PPP6R3: variants seen among roughly 807,000 people sequenced by gnomAD.
PPP6R3 encodes the protein serine/threonine-protein phosphatase 6 regulatory subunit 3.
Under a neutral mutation model 110.7 loss-of-function variants are expected in PPP6R3, and 38 were observed. The observed-to-expected ratio is 0.34, with a 90% confidence interval of 0.26 to 0.45. The LOEUF (loss-of-function observed/expected upper bound fraction) is 0.45. PPP6R3 is among the 20% of genes least tolerant of loss of function. The probability of loss-of-function intolerance (pLI) is 1.00; values close to 1 mark genes in which losing one functional copy is unlikely to be tolerated. For missense variants in PPP6R3, 870 were observed against 1,062.4 expected, an observed-to-expected ratio of 0.82 and a Z score of 2.52; for synonymous variants, 369 against 373.5, an observed-to-expected ratio of 0.99 and a Z score of 0.14.
intron 1 of PPP6R3, among the ~76,000 whole-genome samples, chr11:68,481,547 A>C (rs2153381115): frequency 6.6e-6 from 1 of 152,374 alleles, no homozygotes; most frequent in South Asian, 2.1e-4. Flanking sequence ...ATTGTAGAGG[A>C]CATGGGTTAG....
intron 18 of PPP6R3, among the ~76,000 whole-genome samples, chr11:68,594,265 GGAGAGAGAGAGAGAGAGA>G (rs56125097): frequency 1.5e-5 from 2 of 136,956 alleles, no homozygotes; most frequent in African/African-American, 5.6e-5. Context: ...TAAAAAAGGG[GGAGAGAGAGAGAGAGAGA>G]GAGAGAGAGG....
intron 1 of PPP6R3, among the ~76,000 whole-genome samples, chr11:68,472,691 A>G (rs1400147281): frequency 1.3e-5 from 2 of 152,054 alleles, no homozygotes; most frequent in Non-Finnish European, 2.9e-5. Flanking sequence ...TAAAGTGTAC[A>G]ACTGATGGAT....
At chr11:68,527,812 C>T (rs2099208346) in intron 2 of PPP6R3, among the ~76,000 whole-genome samples, 1 of 152,216 alleles carries the variant, frequency 6.6e-6, no homozygotes, top group Non-Finnish European at 1.5e-5. Context: ...CCCAAAGGCT[C>T]CTCCTTCCTG....
chr11:68,532,427 C>A (rs2099246234), intron 2 of PPP6R3, among the ~76,000 whole-genome samples: 1 of 152,152 alleles, frequency 6.6e-6, no homozygotes, highest in Non-Finnish European at 1.5e-5. Flanking sequence ...GGAGGAAACT[C>A]CATTTTCAAA....
At position 68,564,795 on chromosome 11, in the gene PPP6R3, G is replaced by A. The variant is rs80289281; in HGVS notation, c.975+363G>A. Among the ~76,000 whole-genome samples the A allele has an allele frequency of 7.5e-3, 1,147 of 152,320 alleles. 5 individuals are homozygous for A. Among genetic ancestry groups the A allele is most frequent in the Non-Finnish European group, 0.012 (833 of 68,032 alleles). ...TTTTCTTACTCAGAGTTGGAGCAGT[G>A]TATGTCTGATGTATAGTCGACCTTA... On this transcript the variant is annotated intron_variant, in intron 9 of 23. Transcript: ENST00000393800.
rs369991924 is a variant in PPP6R3, at chr11:68,544,825, C to T, written c.228-13C>T. The stretch of plus-strand genomic sequence containing the variant: ...TTAATAAAGATGATGATGTAAATAT[C>T]CTGTTCTTCTAGGTATCCAAATATA... On this transcript the variant is annotated splice_polypyrimidine_tract_variant and intron_variant, in intron 3 of 23. Transcript: ENST00000393800. 175 of 1,545,036 alleles carry T rather than the reference C, an allele frequency of 1.1e-4. No individual in the cohort carries two copies. The highest frequency in any genetic ancestry group is 6.8e-4 in the Middle Eastern group (4 of 5,872).
intron 1 of PPP6R3, among the ~76,000 whole-genome samples, chr11:68,509,035 TA>T (rs1447657389): frequency 1.3e-5 from 2 of 152,382 alleles, no homozygotes; most frequent in Admixed American, 6.5e-5. Context: ...TATTGATGAT[TA>T]AAACCATAGT....
intron 4 of PPP6R3, among the ~76,000 whole-genome samples, chr11:68,546,943 A>G (rs1457791834): frequency 2.0e-5 from 3 of 152,122 alleles, no homozygotes; most frequent in Non-Finnish European, 4.4e-5. Context: ...GTGGGATCCA[A>G]TTGTGAGTGA....
chr11:68,536,186 A>AT (rs372090022), intron 2 of PPP6R3, among the ~76,000 whole-genome samples: 2,315 of 149,182 alleles, frequency 0.016, 51 homozygotes, highest in East Asian at 0.062. Context: ...TTTAAAAAAC[A>AT]TTTTTTTTTT....
At chr11:68,579,918 A>G (rs1303665369) in intron 14 of PPP6R3, among the ~76,000 whole-genome samples, 1 of 152,224 alleles carries the variant, frequency 6.6e-6, no homozygotes, top group Non-Finnish European at 1.5e-5. Context: ...GAACTCTATG[A>G]TGTTCGCATG....
chr11:68,567,852 T>G (rs1420608468), intron 10 of PPP6R3, among the ~76,000 whole-genome samples: 1 of 152,116 alleles, frequency 6.6e-6, no homozygotes, highest in Non-Finnish European at 1.5e-5. Context: ...AAGGAGGTGT[T>G]TGTTCACTGT....
intron 1 of PPP6R3, among the ~76,000 whole-genome samples, chr11:68,501,458 C>G (rs915880124): frequency 2.0e-5 from 3 of 152,184 alleles, no homozygotes; most frequent in Non-Finnish European, 4.4e-5. Flanking sequence ...CCCTGAGTAG[C>G]TGAGATTACA....
intron 1 of PPP6R3, among the ~76,000 whole-genome samples, chr11:68,510,489 C>T (rs1300137926): frequency 6.6e-6 from 1 of 152,024 alleles, no homozygotes; most frequent in Non-Finnish European, 1.5e-5. Context: ...CGTGTGCTAC[C>T]ATGCTTGGCT....
chr11:68,561,570 A>C (rs1380943473), intron 8 of PPP6R3, among the ~76,000 whole-genome samples: 1 of 152,232 alleles, frequency 6.6e-6, no homozygotes, highest in Non-Finnish European at 1.5e-5. Context: ...ATATCATAAC[A>C]AAGTATGGTT....
At chr11:68,599,862 G>A (rs1007108177) in intron 19 of PPP6R3, among the ~76,000 whole-genome samples, 1 of 151,842 alleles carries the variant, frequency 6.6e-6, no homozygotes, top group Non-Finnish European at 1.5e-5. Flanking sequence ...GGTGGCTCAC[G>A]CCTGTAATCC....
At chr11:68,587,182 C>G (rs573936002) in intron 15 of PPP6R3, 4 of 150,176 alleles carry the variant, frequency 2.7e-5, no homozygotes, top group Admixed American at 2.0e-4. Flanking sequence ...TAACACCCCC[C>G]CCCCCCACAT....
chr11:68,594,698 T>C (rs2099608148), intron 18 of PPP6R3, among the ~76,000 whole-genome samples: 1 of 152,164 alleles, frequency 6.6e-6, no homozygotes, highest in African/African-American at 2.4e-5. Flanking sequence ...AACAAAATCC[T>C]TCCAGCCTTT....
intron 1 of PPP6R3, among the ~76,000 whole-genome samples, chr11:68,518,353 C>G (rs1162103004): frequency 6.6e-6 from 1 of 152,146 alleles, no homozygotes; most frequent in Non-Finnish European, 1.5e-5. Flanking sequence ...TGTAGTACTA[C>G]TGCCAGAAGC....
chr11:68,516,136 C>T (rs1266377580), intron 1 of PPP6R3, among the ~76,000 whole-genome samples: 1 of 152,132 alleles, frequency 6.6e-6, no homozygotes, highest in African/African-American at 2.4e-5. Context: ...CTTTATGGTT[C>T]ATCTACATTG....
Sources: gnomAD v4.1 joint callset for allele counts (sites outside exome capture counted in the v4.1 genomes callset) on GRCh38, gnomAD v4.1.1 for gene constraint, MANE v1.5 for transcripts, NCBI Gene and HGNC (gene_info 2026-07-23, HGNC 2026-07-21) for gene names.